Variants in CNTNAP2 observed in about 807,000 individuals in gnomAD.
CNTNAP2 encodes the protein contactin-associated protein-like 2.
In CNTNAP2, 98 loss-of-function variants were observed where a neutral mutation model predicts 155.2. The ratio of observed to expected loss-of-function variants is 0.63; its 90% CI spans 0.54 to 0.75. The LOEUF (loss-of-function observed/expected upper bound fraction) is 0.75, where lower values mean the gene tolerates loss of function less well. Among genes scored for constraint, CNTNAP2 ranks in the 30% least tolerant of loss-of-function variants. CNTNAP2 has a pLI of 0.00. For synonymous variants in CNTNAP2, 651 were observed against 631.2 expected, an observed-to-expected ratio of 1.03 and a Z score of -0.47; for missense variants, 1,727 against 1,688.1, an observed-to-expected ratio of 1.02 and a Z score of -0.40.
intron 21 of CNTNAP2, among the ~76,000 whole-genome samples, chr7:148,340,503 C>T (rs755967974): frequency 6.6e-6 from 1 of 152,148 alleles, no homozygotes; most frequent in Admixed American, 6.5e-5. Flanking sequence ...AATATTTCAC[C>T]CTCATATTTG....
chr7:147,046,244 G>A (rs1584802611), intron 4 of CNTNAP2, among the ~76,000 whole-genome samples: 1 of 152,066 alleles, frequency 6.6e-6, no homozygotes, highest in East Asian at 1.9e-4. Context: ...TCAACACCCC[G>A]CAACCACTGA....
intron 11 of CNTNAP2, among the ~76,000 whole-genome samples, chr7:147,501,025 T>G (rs1249743198): frequency 6.6e-6 from 1 of 152,034 alleles, no homozygotes; most frequent in Non-Finnish European, 1.5e-5. Context: ...ATTCCAAGAA[T>G]TATACACCAA....
At chr7:146,641,831 A>G (rs945183162) in intron 1 of CNTNAP2, among the ~76,000 whole-genome samples, 1 of 152,244 alleles carries the variant, frequency 6.6e-6, no homozygotes, top group Non-Finnish European at 1.5e-5. Context: ...ATCAGTGAGC[A>G]TATTAAAACC....
intron 13 of CNTNAP2, among the ~76,000 whole-genome samples, chr7:147,853,744 C>T (rs1201476968): frequency 2.0e-5 from 3 of 152,104 alleles, no homozygotes; most frequent in East Asian, 1.9e-4. Flanking sequence ...TAAATACTAA[C>T]CTTTATCTCT....
chr7:146,639,748 T>C (rs1414527249), intron 1 of CNTNAP2, among the ~76,000 whole-genome samples: 2 of 152,244 alleles, frequency 1.3e-5, no homozygotes, highest in Non-Finnish European at 1.5e-5. Context: ...TATTATCTCA[T>C]ATAATAATCA....
intron 15 of CNTNAP2, among the ~76,000 whole-genome samples, chr7:148,092,378 C>G (rs1163876985): frequency 6.6e-6 from 1 of 152,042 alleles, no homozygotes; most frequent in Non-Finnish European, 1.5e-5. Context: ...GGCAACAGGC[C>G]AGGAGAGCTC....
intron 1 of CNTNAP2, among the ~76,000 whole-genome samples, chr7:146,389,924 C>T (rs1240915712): frequency 6.6e-6 from 1 of 151,994 alleles, no homozygotes; most frequent in Non-Finnish European, 1.5e-5. Context: ...TGATCTCAAA[C>T]TCCTGACCTC....
At chr7:146,287,983 G>GA (rs1178307548) in intron 1 of CNTNAP2, among the ~76,000 whole-genome samples, 2 of 152,048 alleles carry the variant, frequency 1.3e-5, no homozygotes. Flanking sequence ...CTTAAAATTA[G>GA]AAAATCGATT....
intron 13 of CNTNAP2, among the ~76,000 whole-genome samples, chr7:147,749,974 C>T (rs1379711613): frequency 6.6e-6 from 1 of 152,128 alleles, no homozygotes; most frequent in Non-Finnish European, 1.5e-5. Context: ...TTTATAGTAT[C>T]AGAAATCTTA....
At chr7:146,893,003 T>C (rs1795810397) in intron 3 of CNTNAP2, among the ~76,000 whole-genome samples, 1 of 152,194 alleles carries the variant, frequency 6.6e-6, no homozygotes, top group Non-Finnish European at 1.5e-5. Flanking sequence ...TGATAAATAA[T>C]AGTGACAGTA....
At chr7:147,216,130 G>GTT (rs151102034) in intron 8 of CNTNAP2, among the ~76,000 whole-genome samples, 263 of 146,942 alleles carry the variant, frequency 1.8e-3, no homozygotes, top group African/African-American at 4.6e-3. Context: ...CCCAGTCTGT[G>GTT]TTTTTTTTTT....
intron 10 of CNTNAP2, among the ~76,000 whole-genome samples, chr7:147,428,365 T>C (rs1797414278): frequency 6.6e-6 from 1 of 152,192 alleles, no homozygotes; most frequent in Non-Finnish European, 1.5e-5. Context: ...TGTTATTTGA[T>C]ATCTTCATTT....
chr7:146,496,170 T>C (rs1002557959), intron 1 of CNTNAP2, among the ~76,000 whole-genome samples: 2 of 152,166 alleles, frequency 1.3e-5, no homozygotes, highest in Admixed American at 6.5e-5. Flanking sequence ...ACAGCCTTCT[T>C]GGGTGATGAT....
rs184729632 is a variant in CNTNAP2, at chr7:146,226,929, T to A, written c.97+109956T>A. Among the ~76,000 whole-genome samples, 243 of 152,304 alleles carry A rather than the reference T, an allele frequency of 1.6e-3. 1 individual carries two copies. Among genetic ancestry groups the A allele is most frequent in the Non-Finnish European group, 1.8e-3 (123 of 68,028 alleles). On this transcript the variant is annotated intron_variant, in intron 1 of 23. Transcript: ENST00000361727. ...GTACACTTCATTACTTTAAGAAATG[T>A]TACTTTTGAAAGAAAAAATAGTCAT...
At chr7:146,499,261 C>T (rs898082309) in intron 1 of CNTNAP2, among the ~76,000 whole-genome samples, 1 of 152,176 alleles carries the variant, frequency 6.6e-6, no homozygotes, top group African/African-American at 2.4e-5. Flanking sequence ...TGGCTCACTG[C>T]AATCTCCACA....
chr7:147,121,375 G>C (rs1166081020), intron 6 of CNTNAP2: 2 of 502,062 alleles, frequency 4.0e-6, no homozygotes, highest in South Asian at 4.4e-5. Context: ...AAAAATCTTA[G>C]TACCAATGTA....
At chr7:146,844,353 A>G (rs975813732) in intron 3 of CNTNAP2, among the ~76,000 whole-genome samples, 1 of 152,138 alleles carries the variant, frequency 6.6e-6, no homozygotes, top group African/African-American at 2.4e-5. Flanking sequence ...AGAATTCTTT[A>G]TATTTTACAA....
At chr7:146,446,604 ATG>A (rs1445795876) in intron 1 of CNTNAP2, among the ~76,000 whole-genome samples, 4 of 152,014 alleles carry the variant, frequency 2.6e-5, no homozygotes, top group Non-Finnish European at 5.9e-5. Flanking sequence ...AAAACAAAAC[ATG>A]TGAGACATTG....
intron 16 of CNTNAP2, among the ~76,000 whole-genome samples, chr7:148,128,896 T>C (rs1286057914): frequency 6.6e-6 from 1 of 152,164 alleles, no homozygotes; most frequent in African/African-American, 2.4e-5. Flanking sequence ...CCCTCTCACG[T>C]GGCAGCTCCT....
Sources: gnomAD v4.1 joint callset for allele counts (sites outside exome capture counted in the v4.1 genomes callset) on GRCh38, gnomAD v4.1.1 for gene constraint, MANE v1.5 for transcripts, NCBI Gene and HGNC (gene_info 2026-07-23, HGNC 2026-07-21) for gene names.